Variants in CGN observed in about 807,000 individuals in gnomAD.
CGN encodes the protein cingulin.
CGN carries 121 observed loss-of-function variants against 157.1 expected under a neutral mutation model. That is an observed-to-expected ratio of 0.77 (90% CI 0.66 to 0.90). The LOEUF is 0.90. Ranked by LOEUF, CGN falls within the 40% of genes least tolerant of loss-of-function variation. The pLI, the probability that CGN is intolerant of heterozygous loss-of-function variation, is 0.00. For synonymous variants in CGN, 535 were observed against 607.5 expected, an observed-to-expected ratio of 0.88 and a Z score of 1.76; for missense variants, 1,424 against 1,520.9, an observed-to-expected ratio of 0.94 and a Z score of 1.06.
chr1:151,520,575 C>G lies in CGN; in HGVS notation c.1045-21C>G, dbSNP rs376756743. On this transcript the variant is annotated intron_variant, in intron 4 of 20. Transcript: ENST00000271636. The stretch of plus-strand genomic sequence containing the variant: ...GACTTGGACTCACTCCCTTCCCCCA[C>G]ACCCCCCATATCTCTGGCAGATGGT... 2.5e-6 allele frequency: 4 copies of G among 1,613,562 alleles called. No homozygotes were observed. In the African/African-American group the frequency reaches 5.3e-5, roughly 22 times the overall value.
In CGN at chr1:151,536,778, G is replaced by C. The variant is rs757238761; in HGVS notation, c.3355G>C (p.Glu1119Gln). ...ALKRQVDEAE[E>Q]EIERLDGLRK... is the part of the protein sequence containing the mutation. ...GAAGCGTCAGGTGGATGAAGCAGAA[G>C]AGGAAATTGAGCGACTGGACGGCCT... Residue 1119 changes from glutamate to glutamine, a missense_variant, in exon 20 of 21, where the codon GAG (glutamate) becomes CAG (glutamine). This residue lies in a region of CGN where 199 missense variants were observed against 272.2 expected (regional missense o/e 0.73). Coordinates refer to ENST00000271636, the MANE Select transcript of CGN (RefSeq NM_020770.3). The C allele has an allele frequency of 3.7e-5, 60 of 1,614,188 alleles. No individual in the cohort carries two copies. The highest frequency in any genetic ancestry group is 3.3e-4 in the Middle Eastern group (2 of 6,062).
In CGN at chr1:151,520,230, A is replaced by G. The variant is rs1287882478; in HGVS notation, c.938A>G (p.His313Arg). ...QEAAPPGSVD[H>R]MKATIYGILR... ...GCAGCCCCACCAGGCAGTGTGGACC[A>G]TATGAAGGCCACCATCTATGGCATC... is the stretch of plus-strand genomic sequence containing the variant. The change falls in exon 3 of 21, where the codon CAT (histidine) becomes CGT (arginine). Residue 313 changes from histidine to arginine, a missense_variant. Coordinates refer to ENST00000271636, the MANE Select transcript of CGN (RefSeq NM_020770.3). 1 of 1,613,698 alleles carries G rather than the reference A, an allele frequency of 6.2e-7. No individual in the cohort carries two copies.
intron 5 of CGN, among the ~76,000 whole-genome samples, chr1:151,521,345 G>A (rs1337944852): frequency 6.6e-6 from 1 of 152,236 alleles, no homozygotes; most frequent in Non-Finnish European, 1.5e-5. Flanking sequence ...TCACTGTAGT[G>A]TAATGATTAA....
intron 2 of CGN, among the ~76,000 whole-genome samples, 170 bp downstream of exon 2, chr1:151,519,562 C>T (rs1664493385): frequency 6.6e-6 from 1 of 152,222 alleles, no homozygotes; most frequent in African/African-American, 2.4e-5. Context: ...TTCACATGCA[C>T]AGGATATTTC....
At chr1:151,520,530 T>C in intron 4 of CGN, 47 bp downstream of exon 4, 3 of 1,611,900 alleles carry the variant, frequency 1.9e-6, no homozygotes, top group Non-Finnish European at 2.5e-6. Context: ...GTTAGAGCTT[T>C]GAGGGCCTCA....
chr1:151,530,725 T>A lies in CGN; in HGVS notation c.2550T>A (p.Thr850=). The A allele has an allele frequency of 6.4e-7, 1 of 1,552,626 alleles. No homozygotes were observed. Among genetic ancestry groups the A allele is most frequent in the Non-Finnish European group, 8.7e-7 (1 of 1,147,444 alleles). ...AGCAGAAGCGTTTGCTGGACAGGAC[T>A]GTGGACCGACTGAACAAGGAGGTGG... ...LEEQKRLLDR[T]VDRLNKELEK... Residue 850 remains threonine, a synonymous_variant, in exon 13 of 21, where the codon ACT becomes ACA. Transcript: ENST00000271636.
At chr1:151,525,867 ATT>A (rs768723214) in intron 9 of CGN, 77 bp downstream of exon 9, 28 of 985,786 alleles carry the variant, frequency 2.8e-5, no homozygotes, top group Non-Finnish European at 3.7e-5. Context: ...TTTAATTTTA[ATT>A]TTAATTTTAA....
rs1206867755 is a variant in CGN, at chr1:151,537,292, C to T, written c.3558C>T (p.Pro1186=). The change falls in exon 21 of 21, where the codon CCC becomes CCT. Residue 1186 remains proline, a synonymous_variant. Coordinates refer to ENST00000271636, the MANE Select transcript of CGN (RefSeq NM_020770.3). ...AGGAATTCGACAGTGTCTACGATCCCTCGTCCATTGCATCACTGCTTACGG... is the reference window on the plus strand; with the variant it reads ...AGGAATTCGACAGTGTCTACGATCCTTCGTCCATTGCATCACTGCTTACGG... ...SDEEFDSVYD[P]SSIASLLTES... 1.9e-6 allele frequency: 3 copies of T among 1,614,104 alleles called. No individual in the cohort carries two copies. Among genetic ancestry groups the T allele is most frequent in the Middle Eastern group, 1.7e-4 (1 of 6,058 alleles).
chr1:151,524,278 C>A lies in CGN; in HGVS notation c.1321C>A (p.Leu441Met). Residue 441 changes from leucine to methionine, a missense_variant, in exon 7 of 21, where the codon CTG (leucine) becomes ATG (methionine). By Grantham distance (15) the Leu-to-Met change is conservative. This residue lies in a region of CGN where 1,187 missense variants were observed against 1,217.6 expected (regional missense o/e 0.97). Transcript: ENST00000271636. The surrounding 1 kb of genome is among the most constrained non-coding windows in gnomAD (Gnocchi z 4.4). ...LDQGEDLRHGLETQVMELQNK... is the reference protein window; with the variant it reads ...LDQGEDLRHGMETQVMELQNK... ...CCAGGGTGAAGATTTACGACATGGGCTGGAGACCCAGGTGATGGAGCTGCA... is the reference window on the plus strand; with the variant it reads ...CCAGGGTGAAGATTTACGACATGGGATGGAGACCCAGGTGATGGAGCTGCA... 1 of 1,614,152 alleles carries A rather than the reference C, an allele frequency of 6.2e-7. No individual in the cohort carries two copies. Among genetic ancestry groups the A allele is most frequent in the Non-Finnish European group, 8.5e-7 (1 of 1,180,022 alleles).
intron 2 of CGN, 53 bp downstream of exon 2, chr1:151,519,445 A>G: frequency 6.8e-7 from 1 of 1,475,828 alleles, no homozygotes; most frequent in Non-Finnish European, 9.0e-7. Context: ...CTCCCTTCTC[A>G]TCAGCTTTTA....
At chr1:151,522,618 T>C (rs1664566479) in intron 5 of CGN, among the ~76,000 whole-genome samples, 1 of 144,828 alleles carries the variant, frequency 6.9e-6, no homozygotes, top group African/African-American at 2.6e-5. Flanking sequence ...AGAGCGAGAC[T>C]CCATCTCAAA....
intron 6 of CGN, 140 bp downstream of exon 6, chr1:151,523,701 A>AGG: frequency 2.6e-6 from 2 of 776,792 alleles, no homozygotes; most frequent in East Asian, 5.7e-5. Context: ...GTTTAAGGAC[A>AGG]GGATAGGGCC....
Position 151,530,120 on chromosome 1 carries a change from G to T in CGN, c.2313+5G>T, listed in dbSNP as rs2102499394. On this transcript the variant is annotated splice_donor_5th_base_variant and intron_variant, in intron 12 of 20. Coordinates refer to ENST00000271636, the MANE Select transcript of CGN (RefSeq NM_020770.3). Reference sequence around the variant, plus strand: ...GACAAGCTGCAGCGGCTGGAGGTCAGTGGTTCTGCCCTCCCAGCCCTCTCT... The same window carrying T: ...GACAAGCTGCAGCGGCTGGAGGTCATTGGTTCTGCCCTCCCAGCCCTCTCT... 3 of 1,608,922 alleles carry T rather than the reference G, an allele frequency of 1.9e-6. No individual in the cohort carries two copies. In the Middle Eastern group the frequency reaches 5.0e-4, roughly 266 times the overall value.
chr1:151,529,881 G>C (rs1557991556), intron 11 of CGN, 28 bp from the exon 12 acceptor site: 4 of 1,601,262 alleles, frequency 2.5e-6, no homozygotes, highest in Non-Finnish European at 3.4e-6. Context: ...CCTGGGGTCT[G>C]AGCTGCCACC....
chr1:151,513,395 T>C (rs1664343523), intron 1 of CGN, among the ~76,000 whole-genome samples: 1 of 152,172 alleles, frequency 6.6e-6, no homozygotes, highest in Non-Finnish European at 1.5e-5. Context: ...AGGAGTCCAC[T>C]TGGGGGATTC....
chr1:151,529,681 G>A, intron 11 of CGN, 122 bp downstream of exon 11: 1 of 956,386 alleles, frequency 1.0e-6, no homozygotes, highest in South Asian at 1.7e-5. Context: ...TGGGTCCTAG[G>A]CATGTGGTTC....
At chr1:151,530,169 T>G in intron 12 of CGN, 54 bp downstream of exon 12, 2 of 1,531,438 alleles carry the variant, frequency 1.3e-6, no homozygotes, top group Non-Finnish European at 1.8e-6. Flanking sequence ...GAAATACTCC[T>G]ATGCTAAGTA....
chr1:151,530,443 C>T (rs1013122334), intron 12 of CGN, 46 bp from the exon 13 acceptor site: 1 of 1,508,414 alleles, frequency 6.6e-7, no homozygotes, highest in Non-Finnish European at 8.8e-7. Flanking sequence ...GACTTGAACC[C>T]AAGTTTTACC....
At chr1:151,517,712 G>A (rs1248435516) in intron 1 of CGN, among the ~76,000 whole-genome samples, 2 of 151,944 alleles carry the variant, frequency 1.3e-5, no homozygotes, top group South Asian at 2.1e-4. Flanking sequence ...AGGTTTCACC[G>A]TGTTGGTCAG....
Sources: allele counts gnomAD v4.1 joint callset (sites outside exome capture counted in the v4.1 genomes callset), GRCh38; gene constraint gnomAD v4.1.1; regional missense constraint gnomAD v4.1.1; non-coding constraint Gnocchi (gnomAD v3.1); transcripts MANE v1.5; gene names NCBI Gene and HGNC (gene_info 2026-07-23, HGNC 2026-07-21).